Variants in ZNF804A observed in about 807,000 individuals in gnomAD.
The protein encoded by ZNF804A is zinc finger protein 804A.
ZNF804A carries 2 observed loss-of-function variants against 16.5 expected under a neutral mutation model. The observed-to-expected ratio is 0.12, with a 90% CI of 0.05 to 0.38. ZNF804A has a LOEUF of 0.38. Among genes scored for constraint, ZNF804A ranks in the 10% least tolerant of loss-of-function variants. The probability of loss-of-function intolerance (pLI) is 0.99; values close to 1 mark genes in which losing one functional copy is unlikely to be tolerated. For synonymous variants in ZNF804A, 534 were observed against 489.6 expected (o/e 1.09, Z -1.20); for missense variants, 1,473 against 1,390.7 (o/e 1.06, Z -0.94).
At chr2:184,679,267 A>G (rs556237239) in intron 1 of ZNF804A, among the ~76,000 whole-genome samples, 3 of 152,364 alleles carry the variant, frequency 2.0e-5, no homozygotes, top group African/African-American at 7.2e-5. Context: ...AGATACAATA[A>G]CACAAAATAC....
intron 1 of ZNF804A, among the ~76,000 whole-genome samples, chr2:184,697,123 T>A (rs1252453758): frequency 6.6e-6 from 1 of 152,040 alleles, no homozygotes; most frequent in Non-Finnish European, 1.5e-5. Context: ...TATTTTAAAT[T>A]AATTATAGCA....
At chr2:184,668,716 C>T (rs1052522445) in intron 1 of ZNF804A, among the ~76,000 whole-genome samples, 1 of 151,834 alleles carries the variant, frequency 6.6e-6, no homozygotes, top group Non-Finnish European at 1.5e-5. Flanking sequence ...AACCAAAGGG[C>T]AAAGAACCTT....
chr2:184,859,954 C>T (rs1304150879), intron 1 of ZNF804A, among the ~76,000 whole-genome samples: 2 of 152,152 alleles, frequency 1.3e-5, no homozygotes, highest in African/African-American at 4.8e-5. Context: ...GGGCTGGCTA[C>T]CCACTAGGAA....
At chr2:184,857,609 A>G (rs978326086) in intron 1 of ZNF804A, among the ~76,000 whole-genome samples, 2 of 152,064 alleles carry the variant, frequency 1.3e-5, no homozygotes, top group Non-Finnish European at 2.9e-5. Flanking sequence ...ATTATAGTCT[A>G]TCTCTCCCCT....
chr2:184,803,261 T>G (rs1694752590), intron 1 of ZNF804A, among the ~76,000 whole-genome samples: 1 of 152,162 alleles, frequency 6.6e-6, no homozygotes. Flanking sequence ...TCCTCATCTC[T>G]TTCAAGTCAT....
At chr2:184,785,909 A>G (rs1694440922) in intron 1 of ZNF804A, among the ~76,000 whole-genome samples, 2 of 152,160 alleles carry the variant, frequency 1.3e-5, no homozygotes, top group South Asian at 4.1e-4. Context: ...CACTGAAGTG[A>G]GATACTTTAT....
intron 1 of ZNF804A, among the ~76,000 whole-genome samples, chr2:184,667,955 G>T (rs569413626): frequency 4.0e-4 from 60 of 151,720 alleles, no homozygotes; most frequent in African/African-American, 1.4e-3. Flanking sequence ...AATACTCATT[G>T]CTTTGAGGCA....
At chr2:184,876,032 C>T (rs906991857) in intron 2 of ZNF804A, among the ~76,000 whole-genome samples, 13 of 152,088 alleles carry the variant, frequency 8.5e-5, no homozygotes, top group African/African-American at 3.1e-4. Flanking sequence ...ACTGAAATAC[C>T]TCCCAACAGG....
Position 184,749,696 on chromosome 2 carries a change from G to A in ZNF804A, c.112-116673G>A, listed in dbSNP as rs186854538. Among the ~76,000 whole-genome samples the A allele has an allele frequency of 3.4e-3, 511 of 151,378 alleles. 6 individuals carry two copies. The highest frequency in any genetic ancestry group is 0.012 in the African/African-American group (480 of 41,454). On this transcript the variant is annotated intron_variant, in intron 1 of 3. Coordinates refer to ENST00000302277, the MANE Select transcript of ZNF804A (RefSeq NM_194250.2). ...TGATTCATTATTTATTTTTGGGATA[G>A]ACCAGCCATTTTTTGGATGTAAGAA...
At chr2:184,751,241 A>G (rs1314669107) in intron 1 of ZNF804A, among the ~76,000 whole-genome samples, 1 of 151,476 alleles carries the variant, frequency 6.6e-6, no homozygotes, top group South Asian at 2.1e-4. Context: ...TAAATATTTA[A>G]TAACCTTAGG....
chr2:184,765,613 C>CG (rs199789401), intron 1 of ZNF804A, among the ~76,000 whole-genome samples: 115 of 147,004 alleles, frequency 7.8e-4, no homozygotes, highest in African/African-American at 2.8e-3. Context: ...GCACCCCCCC[C>CG]CCTTAGAGTC....
At chr2:184,691,212 G>A (rs935272351) in intron 1 of ZNF804A, among the ~76,000 whole-genome samples, 7 of 151,878 alleles carry the variant, frequency 4.6e-5, no homozygotes, top group Non-Finnish European at 1.0e-4. Flanking sequence ...TCATGTCAGA[G>A]AAGAAAATAG....
chr2:184,650,882 A>C (rs1691972257), intron 1 of ZNF804A, among the ~76,000 whole-genome samples: 1 of 152,172 alleles, frequency 6.6e-6, no homozygotes, highest in African/African-American at 2.4e-5. Flanking sequence ...TAAGCTACAC[A>C]TTCAATGCTT....
chr2:184,696,025 C>G (rs1367841460), intron 1 of ZNF804A, among the ~76,000 whole-genome samples: 1 of 151,994 alleles, frequency 6.6e-6, no homozygotes, highest in Non-Finnish European at 1.5e-5. Context: ...ATTATAATAT[C>G]CATTGCGTTG....
At chr2:184,643,549 A>C (rs577321574) in intron 1 of ZNF804A, among the ~76,000 whole-genome samples, 1 of 152,058 alleles carries the variant, frequency 6.6e-6, no homozygotes, top group South Asian at 2.1e-4. Context: ...ATACAATTCA[A>C]ATAAAACTGT....
intron 1 of ZNF804A, among the ~76,000 whole-genome samples, chr2:184,647,368 C>T (rs761698769): frequency 2.6e-5 from 4 of 152,160 alleles, no homozygotes; most frequent in Non-Finnish European, 2.9e-5. Context: ...CAAAGGATCA[C>T]ATTAGATCTC....
chr2:184,689,315 A>G (rs1373833081), intron 1 of ZNF804A, among the ~76,000 whole-genome samples: 2 of 152,142 alleles, frequency 1.3e-5, no homozygotes, highest in Non-Finnish European at 1.5e-5. Context: ...AGTAACACTG[A>G]TGAAAAATTG....
At chr2:184,708,276 G>A (rs933283242) in intron 1 of ZNF804A, among the ~76,000 whole-genome samples, 1 of 151,798 alleles carries the variant, frequency 6.6e-6, no homozygotes, top group Non-Finnish European at 1.5e-5. Flanking sequence ...ATTAGGTCCC[G>A]CTTGTCAATT....
rs370379351 is a variant in ZNF804A at position 184,771,779 on chromosome 2, G to A, written c.112-94590G>A. Among the ~76,000 whole-genome samples, 129 of 152,028 alleles carry A rather than the reference G, an allele frequency of 8.5e-4. 1 individual carries two copies. In the South Asian group the frequency reaches 0.026, roughly 30 times the overall value. The stretch of plus-strand genomic sequence containing the variant: ...GTGGACATTTCCATAGACAAGTTAC[G>A]ATGATGCCCACTTGCTTTATCAAGG... On this transcript the variant is annotated intron_variant, in intron 1 of 3. Coordinates refer to ENST00000302277, the MANE Select transcript of ZNF804A (RefSeq NM_194250.2).
Sources: gnomAD v4.1 joint callset for allele counts (sites outside exome capture counted in the v4.1 genomes callset) on GRCh38, gnomAD v4.1.1 for gene constraint, MANE v1.5 for transcripts, NCBI Gene and HGNC (gene_info 2026-07-23, HGNC 2026-07-21) for gene names.